The following ACVR2A variants were observed in gnomAD, a reference collection of about 807,000 sequenced individuals.
ACVR2A encodes activin receptor type-2A.
ACVR2A carries 7 observed loss-of-function variants against 61.4 expected under a neutral mutation model. The observed-to-expected ratio is 0.11, with a 90% CI of 0.06 to 0.21. The LOEUF is 0.21. Among genes scored for constraint, ACVR2A ranks in the 10% least tolerant of loss-of-function variants. The pLI is 1.00. For synonymous variants in ACVR2A, 193 were observed against 208.3 expected (o/e 0.93, Z 0.63); for missense variants, 322 against 621.7 (o/e 0.52, Z 5.13).
At chr2:147,887,450 G>T (rs1384326896) in intron 1 of ACVR2A, among the ~76,000 whole-genome samples, 1 of 152,120 alleles carries the variant, frequency 6.6e-6, no homozygotes, top group East Asian at 1.9e-4. Context: ...CTATTTGCTT[G>T]CAAGAAGCTG....
chr2:147,919,885 A>G (rs1372420611), intron 7 of ACVR2A, among the ~76,000 whole-genome samples: 3 of 152,262 alleles, frequency 2.0e-5, no homozygotes, highest in African/African-American at 7.2e-5. Context: ...TTCTGTTTCT[A>G]TGGGAGTTTG....
At position 147,930,256 on chromosome 2, in the gene ACVR2A, C is replaced by T. The variant is rs1303269005; in HGVS notation, c.*2982C>T. ...TCTCTTCTGTTGCATTTCCTCACCCCTAAGTAACAGCTACATTTAAGTAAA... is the reference window on the plus strand; with the variant it reads ...TCTCTTCTGTTGCATTTCCTCACCCTTAAGTAACAGCTACATTTAAGTAAA... On this transcript the variant is annotated 3_prime_UTR_variant, in exon 11 of 11. Transcript: ENST00000241416. The T allele has an allele frequency of 1.3e-5, 2 of 151,972 alleles. No homozygotes were observed. The highest frequency in any genetic ancestry group is 2.4e-5 in the African/African-American group (1 of 41,266). The allele number at this position is 151,972 out of a possible 1,614,324, so 9.4% of individuals were successfully genotyped here.
intron 1 of ACVR2A, among the ~76,000 whole-genome samples, chr2:147,883,272 C>A (rs1686353595): frequency 6.6e-6 from 1 of 152,164 alleles, no homozygotes; most frequent in East Asian, 1.9e-4. Flanking sequence ...CTCACCACAA[C>A]CTCCATCTCT....
intron 1 of ACVR2A, among the ~76,000 whole-genome samples, chr2:147,856,895 T>C (rs916182520): frequency 1.3e-5 from 2 of 152,154 alleles, no homozygotes; most frequent in African/African-American, 4.8e-5. Flanking sequence ...ATATACTTGG[T>C]TTGGGTGTTG....
intron 1 of ACVR2A, among the ~76,000 whole-genome samples, chr2:147,883,650 T>C (rs1686365310): frequency 6.6e-6 from 1 of 152,202 alleles, no homozygotes; most frequent in Admixed American, 6.5e-5. Context: ...AGTGATTCTA[T>C]ATCCATTGTT....
intron 1 of ACVR2A, among the ~76,000 whole-genome samples, chr2:147,882,883 G>T (rs893202169): frequency 6.6e-6 from 1 of 152,058 alleles, no homozygotes; most frequent in Non-Finnish European, 1.5e-5. Flanking sequence ...TTGTTTGGTG[G>T]TGGGAAGGGG....
At chr2:147,912,032 T>A (rs546351759) in intron 4 of ACVR2A, among the ~76,000 whole-genome samples, 2 of 151,902 alleles carry the variant, frequency 1.3e-5, no homozygotes, top group African/African-American at 4.8e-5. Context: ...TACAGGAGTA[T>A]AACTTTTGAT....
At chr2:147,881,091 G>C (rs1419293241) in intron 1 of ACVR2A, among the ~76,000 whole-genome samples, 4 of 152,098 alleles carry the variant, frequency 2.6e-5, no homozygotes, top group Admixed American at 2.0e-4. Flanking sequence ...TATTAAAAAG[G>C]CACAGGGAAG....
intron 1 of ACVR2A, among the ~76,000 whole-genome samples, 164 bp downstream of exon 1, chr2:147,845,371 C>T (rs995850014): frequency 1.5e-5 from 2 of 133,480 alleles, no homozygotes; most frequent in African/African-American, 2.7e-5. Flanking sequence ...GCCCCCAGGT[C>T]TGATTGTGAT....
intron 1 of ACVR2A, among the ~76,000 whole-genome samples, chr2:147,875,770 T>C (rs1352640225): frequency 6.6e-6 from 1 of 152,104 alleles, no homozygotes; most frequent in Non-Finnish European, 1.5e-5. Context: ...ATGTTTCACA[T>C]AGGAACTGAA....
At chr2:147,891,913 G>A (rs1246066707) in intron 1 of ACVR2A, among the ~76,000 whole-genome samples, 1 of 152,120 alleles carries the variant, frequency 6.6e-6, no homozygotes. Context: ...TTTAGAAAGT[G>A]CCTATTGTTT....
At chr2:147,885,772 T>C (rs1686415697) in intron 1 of ACVR2A, among the ~76,000 whole-genome samples, 1 of 152,178 alleles carries the variant, frequency 6.6e-6, no homozygotes, top group Admixed American at 6.5e-5. Context: ...TGAATAAAGT[T>C]ATTTTGTAAA....
intron 1 of ACVR2A, among the ~76,000 whole-genome samples, chr2:147,851,855 A>G (rs891543630): frequency 6.6e-6 from 1 of 152,034 alleles, no homozygotes. Flanking sequence ...GTGCTCAGCA[A>G]ATGTTTATTA....
chr2:147,898,946 G>A (rs535887809), intron 2 of ACVR2A, among the ~76,000 whole-genome samples: 1 of 152,114 alleles, frequency 6.6e-6, no homozygotes, highest in South Asian at 2.1e-4. Flanking sequence ...TTGGGTTTCT[G>A]ATGTTGAAAT....
At chr2:147,898,606 A>C (rs937959872) in intron 2 of ACVR2A, among the ~76,000 whole-genome samples, 1 of 152,116 alleles carries the variant, frequency 6.6e-6, no homozygotes, top group African/African-American at 2.4e-5. Context: ...AACTATCAAA[A>C]AAGTTCAGTT....
Position 147,923,115 on chromosome 2 carries a change from AG to A in ACVR2A, c.1216+7del. On this transcript the variant is annotated splice_donor_5th_base_variant and intron_variant, in intron 9 of 10. Transcript: ENST00000241416. The stretch of plus-strand genomic sequence containing the variant: ...TCTCGCTGTACTGCTGCAGATGGTA[AG>A]GGAAAAAAATATTTTTAAAAAAGAT... 1 of 1,602,992 alleles carries A rather than the reference AG, an allele frequency of 6.2e-7. No homozygotes were observed. The highest frequency in any genetic ancestry group is 8.5e-7 in the Non-Finnish European group (1 of 1,176,518).
At chr2:147,871,091 T>C (rs1009458189) in intron 1 of ACVR2A, among the ~76,000 whole-genome samples, 1 of 152,094 alleles carries the variant, frequency 6.6e-6, no homozygotes, top group Non-Finnish European at 1.5e-5. Context: ...TTCCATAATG[T>C]TTTGCATATA....
At chr2:147,898,137 T>C (rs1686787080) in intron 2 of ACVR2A, 1 of 152,174 alleles carries the variant, frequency 6.6e-6, no homozygotes. Flanking sequence ...ATACTTGCTC[T>C]TAGAATGGTA....
chr2:147,874,737 C>T (rs754747651), intron 1 of ACVR2A, among the ~76,000 whole-genome samples: 6 of 152,060 alleles, frequency 3.9e-5, no homozygotes, highest in Non-Finnish European at 8.8e-5. Context: ...GAATCTACTA[C>T]GCACTGTGTT....
Sources: gnomAD v4.1 joint callset for allele counts (sites outside exome capture counted in the v4.1 genomes callset) on GRCh38, gnomAD v4.1.1 for gene constraint, MANE v1.5 for transcripts, NCBI Gene and HGNC (gene_info 2026-07-23, HGNC 2026-07-21) for gene names.